Variants in PILRA observed in about 807,000 individuals in gnomAD.
PILRA encodes the protein paired immunoglobin like type 2 receptor alpha, also known as paired immunoglobulin-like type 2 receptor alpha.
In PILRA, 37 loss-of-function variants were observed where a neutral mutation model predicts 33.1. The observed-to-expected ratio is 1.12, with a 90% CI of 0.86 to 1.47. PILRA has a LOEUF of 1.47. Among genes scored for constraint, PILRA ranks in the 40% most tolerant of loss-of-function variants. The pLI is 0.00. For missense variants in PILRA, 312 were observed against 376.2 expected, an observed-to-expected ratio of 0.83 and a Z score of 1.41; for synonymous variants, 146 against 149.9, an observed-to-expected ratio of 0.97 and a Z score of 0.19.
In PILRA at chr7:100,399,283, C is replaced by G. The variant is rs1037504918; in HGVS notation, c.708-8C>G. ...TAACATATTTCCTGTCCTCTTGTTC[C>G]CATACAGGGAACCCTTCCAAAACAC... is the stretch of plus-strand genomic sequence containing the variant. On this transcript the variant is annotated splice_region_variant and splice_polypyrimidine_tract_variant and intron_variant, in intron 4 of 6. Transcript: ENST00000198536. 2 of 1,607,344 alleles carry G rather than the reference C, an allele frequency of 1.2e-6. No individual in the cohort carries two copies. Among genetic ancestry groups the G allele is most frequent in the Non-Finnish European group, 1.7e-6 (2 of 1,174,544 alleles).
At chr7:100,399,497 C>T in intron 5 of PILRA, 84 bp from the exon 6 acceptor site, 1 of 1,521,916 alleles carries the variant, frequency 6.6e-7, no homozygotes, top group South Asian at 1.1e-5. Flanking sequence ...TAGCAGATAA[C>T]CTCACTCCTA....
intron 2 of PILRA, among the ~76,000 whole-genome samples, chr7:100,385,422 A>G (rs1174821323): frequency 3.9e-5 from 6 of 152,220 alleles, no homozygotes; most frequent in Non-Finnish European, 7.3e-5. Flanking sequence ...AAAAAAATAC[A>G]GAAGGAAGTC....
chr7:100,399,166 TG>T, intron 4 of PILRA, 124 bp from the exon 5 acceptor site: 1 of 639,282 alleles, frequency 1.6e-6, no homozygotes. Context: ...CTTGTACTCC[TG>T]GGATCAAGCA....
chr7:100,388,504 G>A (rs945433224), intron 2 of PILRA, among the ~76,000 whole-genome samples: 10 of 151,754 alleles, frequency 6.6e-5, no homozygotes, highest in South Asian at 4.2e-4. Flanking sequence ...AAGCTGAGGC[G>A]GGCAGATCAC....
At chr7:100,378,524 G>T (rs1791004623) in intron 2 of PILRA, among the ~76,000 whole-genome samples, 1 of 152,084 alleles carries the variant, frequency 6.6e-6, no homozygotes, top group Non-Finnish European at 1.5e-5. Flanking sequence ...ACTGAAATCA[G>T]GCTAATACAC....
intron 2 of PILRA, among the ~76,000 whole-genome samples, chr7:100,384,694 G>C (rs1376290446): frequency 2.0e-5 from 3 of 152,158 alleles, no homozygotes; most frequent in Non-Finnish European, 2.9e-5. Flanking sequence ...AGGGTGAGGT[G>C]GGAAGATCGC....
chr7:100,383,326 T>TG, intron 2 of PILRA, among the ~76,000 whole-genome samples: 1 of 152,116 alleles, frequency 6.6e-6, no homozygotes, highest in Non-Finnish European at 1.5e-5. Context: ...AGCCCACAGA[T>TG]GGGGTCCTCC....
At chr7:100,377,516 C>T (rs1790983237) in intron 2 of PILRA, among the ~76,000 whole-genome samples, 1 of 152,138 alleles carries the variant, frequency 6.6e-6, no homozygotes, top group Admixed American at 6.5e-5. Context: ...GCTGGGATTA[C>T]AGGCTTCAGC....
chr7:100,385,337 T>C (rs1044888049), intron 2 of PILRA, among the ~76,000 whole-genome samples: 1 of 152,224 alleles, frequency 6.6e-6, no homozygotes, highest in Non-Finnish European at 1.5e-5. Flanking sequence ...ATCTTGTACT[T>C]GTACTTGATT....
chr7:100,379,301 A>G (rs564551778), intron 2 of PILRA, among the ~76,000 whole-genome samples: 1 of 151,346 alleles, frequency 6.6e-6, no homozygotes, highest in African/African-American at 2.4e-5. Flanking sequence ...AATCCCTTGA[A>G]CCCAGGAGGT....
chr7:100,384,075 G>C (rs906974475), intron 2 of PILRA, among the ~76,000 whole-genome samples: 11 of 152,110 alleles, frequency 7.2e-5, no homozygotes, highest in African/African-American at 2.7e-4. Context: ...GGTGAGAGTT[G>C]GCTGATACTG....
chr7:100,381,773 G>T (rs1791101616), intron 2 of PILRA, among the ~76,000 whole-genome samples: 1 of 152,204 alleles, frequency 6.6e-6, no homozygotes, highest in Non-Finnish European at 1.5e-5. Context: ...GCGCTTGCGG[G>T]CCAGCTAGAG....
upstream of PILRA, among the ~76,000 whole-genome samples, chr7:100,372,647 G>A (rs1013141077): frequency 6.6e-6 from 1 of 152,226 alleles, no homozygotes; most frequent in African/African-American, 2.4e-5. Context: ...CTGTGTCCAA[G>A]GAAGCTTCTG....
chr7:100,384,715 G>A (rs1181551085), intron 2 of PILRA, among the ~76,000 whole-genome samples: 1 of 152,140 alleles, frequency 6.6e-6, no homozygotes, highest in Non-Finnish European at 1.5e-5. Flanking sequence ...TTGAGCCCAG[G>A]AGTTGGAGGC....
chr7:100,390,821 A>C (rs1478129720), intron 3 of PILRA, among the ~76,000 whole-genome samples: 1 of 152,056 alleles, frequency 6.6e-6, no homozygotes, highest in African/African-American at 2.4e-5. Context: ...GAGGCAGGAA[A>C]GGAGAGGACC....
In PILRA at chr7:100,374,106, G is replaced by T; in HGVS notation, c.127G>T (p.Ala43Ser). ...GGTCACTCAACCAAAACACCTCTCA[G>T]CCTCCATGGGTGGCTCTGTGGAAAT... is the stretch of plus-strand genomic sequence containing the variant. ...YGVTQPKHLS[A>S]SMGGSVEIPF... is the part of the protein sequence containing the mutation. Residue 43 changes from alanine (A) to serine (S), a missense_variant, in exon 2 of 7, where the codon GCC becomes TCC. Physicochemically the swap from Ala to Ser is moderately conservative, Grantham distance 99. Coordinates refer to ENST00000198536, the MANE Select transcript of PILRA (RefSeq NM_013439.3). 1 of 1,614,096 alleles carries T rather than the reference G, an allele frequency of 6.2e-7. No homozygotes were observed. The highest frequency in any genetic ancestry group is 8.5e-7 in the Non-Finnish European group (1 of 1,179,998).
chr7:100,382,117 G>A (rs533539387), intron 2 of PILRA, among the ~76,000 whole-genome samples: 93 of 152,288 alleles, frequency 6.1e-4, no homozygotes, highest in African/African-American at 2.1e-3. Flanking sequence ...CGAGGAGTGC[G>A]GGAGCAAGGC....
chr7:100,390,231 G>C (rs1308183567), intron 3 of PILRA, 125 bp downstream of exon 3: 1 of 796,656 alleles, frequency 1.3e-6, no homozygotes, highest in Non-Finnish European at 2.0e-6. Context: ...CACCGAGGCC[G>C]ACTTCGTGGC....
At chr7:100,373,438 C>G, upstream of PILRA, 2 of 609,190 alleles carry the variant, frequency 3.3e-6, no homozygotes, top group East Asian at 2.7e-5. Flanking sequence ...AAGGGAGGCC[C>G]TTTTGCAATA....
Sources: gnomAD v4.1 joint callset for allele counts (sites outside exome capture counted in the v4.1 genomes callset) on GRCh38, gnomAD v4.1.1 for gene constraint, MANE v1.5 for transcripts, NCBI Gene and HGNC (gene_info 2026-07-23, HGNC 2026-07-21) for gene names.